Variants in GBX1 observed in about 807,000 individuals in gnomAD.
GBX1 encodes gastrulation brain homeobox 1.
A neutral mutation model predicts 22.9 loss-of-function variants in GBX1; 9 were observed. The ratio of observed to expected loss-of-function variants is 0.39; its 90% confidence interval spans 0.24 to 0.69. GBX1 has a LOEUF of 0.69. GBX1 is among the 30% of genes least tolerant of loss of function. GBX1 has a pLI of 0.43. For synonymous variants in GBX1, 203 were observed against 227.3 expected (o/e 0.89, Z 0.96); for missense variants, 494 against 509.2 (o/e 0.97, Z 0.29).
chr7:151,166,940 C>T lies in GBX1; in HGVS notation c.538+71G>A, dbSNP rs529738402. 50 of 1,513,254 alleles carry T rather than the reference C, an allele frequency of 3.3e-5. No individual in the cohort carries two copies. In the South Asian group the frequency reaches 4.5e-4, roughly 14 times the overall value. The allele number at this position is 1,513,254 out of a possible 1,614,324, so 93.7% of individuals were successfully genotyped here. ...GGCAGGTGCCGAGGTGCCGAGGTTC[C>T]GAGCAGGTTCCTGTCTGGAATTTCC... On this transcript the variant is annotated intron_variant, in intron 1 of 1. Coordinates refer to ENST00000297537, the MANE Select transcript of GBX1 (RefSeq NM_001098834.3).
intron 1 of GBX1, among the ~76,000 whole-genome samples, chr7:151,150,346 G>GA (rs1443446204): frequency 6.6e-6 from 1 of 152,222 alleles, no homozygotes; most frequent in African/African-American, 2.4e-5. Context: ...GAGAACAAGA[G>GA]AAAATGGATA....
chr7:151,149,930 C>T, intron 1 of GBX1: 1 of 456,054 alleles, frequency 2.2e-6, no homozygotes, highest in Non-Finnish European at 4.4e-6. Context: ...CTTCCCCTTT[C>T]CCCAGCCAAG....
In GBX1 at chr7:151,148,839, T is replaced by C. The variant is rs760062093; in HGVS notation, c.842A>G (p.His281Arg). ...TGTCAAGCTCAGGTATTTCTTGCAA[T>C]GAAATTCCTTCTCCAATTCCAAAAG... Reference protein sequence around the residue: ...EQLLELEKEFHCKKYLSLTER... With the variant: ...EQLLELEKEFRCKKYLSLTER... Residue 281 changes from histidine to arginine, a missense_variant, in exon 2 of 2, where the codon CAT becomes CGT. Physicochemically the swap from His to Arg is conservative, Grantham distance 29. Transcript: ENST00000297537. The surrounding 1 kb of genome is among the most constrained non-coding windows in gnomAD (Gnocchi z 5.1). The C allele has an allele frequency of 1.2e-5, 19 of 1,614,068 alleles. No individual in the cohort carries two copies. Among genetic ancestry groups the C allele is most frequent in the Admixed American group, 3.3e-5 (2 of 60,012 alleles).
chr7:151,167,269 C>A lies in GBX1; in HGVS notation c.280G>T (p.Ala94Ser). The A allele has an allele frequency of 6.5e-7, 1 of 1,545,898 alleles. No individual in the cohort carries two copies. The highest frequency in any genetic ancestry group is 8.7e-7 in the Non-Finnish European group (1 of 1,148,576). Reference sequence around the variant, plus strand: ...GTCAGCGCCACCATCGAGGGCACAGCCTGACCCAGCCCCGCGCAGAAGGTG... The same window carrying A: ...GTCAGCGCCACCATCGAGGGCACAGACTGACCCAGCCCCGCGCAGAAGGTG... ...TNTFCAGLGQ[A>S]VPSMVALTTA... Residue 94 changes from alanine (A) to serine (S), a missense_variant, in exon 1 of 2, where the codon GCT becomes TCT. Around this residue, in one of 3 missense-constraint regions of GBX1, gnomAD observed 365 missense variants for 340.4 expected, o/e 1.07. Transcript: ENST00000297537. This position sits in a 1 kb window ranked among gnomAD's most constrained non-coding sequence, Gnocchi z 5.9.
At chr7:151,154,293 T>G (rs922060428) in intron 1 of GBX1, among the ~76,000 whole-genome samples, 26 of 152,226 alleles carry the variant, frequency 1.7e-4, no homozygotes, top group Admixed American at 1.2e-3. Flanking sequence ...TTAAAAATGT[T>G]ACATGGAAAA....
rs566832387 is a variant in GBX1 at position 151,156,364 on chromosome 7, C to T, written c.539-7222G>A. On this transcript the variant is annotated intron_variant, in intron 1 of 1. Coordinates refer to ENST00000297537, the MANE Select transcript of GBX1 (RefSeq NM_001098834.3). ...TCACACCACTGCACTCCAGTTTGGG[C>T]GACAGAGTGAGACCCTGTCTCAAAA... 2.4e-4 allele frequency among the ~76,000 whole-genome samples: 26 copies of T among 109,424 alleles called. 1 individual carries two copies. The South Asian group carries it at 4.6e-3, about 19-fold the overall frequency. 71.8% of individuals were successfully genotyped at this position (109,424 alleles called of 152,430 possible). A position where few individuals can be genotyped will look rare whatever the true frequency, so the allele number is the denominator to read the frequency against.
At position 151,149,049 on chromosome 7, in the gene GBX1, C is replaced by A; in HGVS notation, c.632G>T (p.Gly211Val). ...CAGGAAACCGTCATCCTCGCTGTCA[C>A]CGCCTGAGCCCTCTTCCTCCTGTTC... ...GSEQEEEGSG[G>V]DSEDDGFLDS... The change falls in exon 2 of 2, where the codon GGT (glycine) becomes GTT (valine). Residue 211 changes from glycine (G) to valine (V), a missense_variant. Physicochemically the swap from Gly to Val is moderately radical, Grantham distance 109. Around this residue, in one of 3 missense-constraint regions of GBX1, gnomAD observed 365 missense variants for 340.4 expected, o/e 1.07. Coordinates refer to ENST00000297537, the MANE Select transcript of GBX1 (RefSeq NM_001098834.3). 6.2e-7 allele frequency: 1 copy of A among 1,613,932 alleles called. No individual in the cohort carries two copies. The highest frequency in any genetic ancestry group is 8.5e-7 in the Non-Finnish European group (1 of 1,180,028).
chr7:151,148,437 TG>T lies in GBX1; in HGVS notation c.*151del. The T allele has an allele frequency of 1.4e-6, 1 of 714,836 alleles. No individual in the cohort carries two copies. Among genetic ancestry groups the T allele is most frequent in the Non-Finnish European group, 2.3e-6 (1 of 434,194 alleles). The allele number at this position is 714,836 out of a possible 1,614,324, so 44.3% of individuals were successfully genotyped here. ...CACATCTCAGGTTCTGGGAGGAGTC[TG>T]GGAAGAGCACACCCAGGGCTAGGTT... On this transcript the variant is annotated 3_prime_UTR_variant, in exon 2 of 2. Transcript: ENST00000297537. The surrounding 1 kb of genome is among the most constrained non-coding windows in gnomAD (Gnocchi z 5.1).
Position 151,167,204 on chromosome 7 carries a change from G to C in GBX1, c.345C>G (p.Phe115Leu). 3.2e-6 allele frequency: 5 copies of C among 1,566,382 alleles called. No individual in the cohort carries two copies. The highest frequency in any genetic ancestry group is 4.3e-6 in the Non-Finnish European group (5 of 1,158,216). The change falls in exon 1 of 2, where the codon TTC becomes TTG. Residue 115 changes from phenylalanine (F) to leucine (L), a missense_variant. Phe to Leu is a conservative substitution (Grantham distance 22, BLOSUM62 0). Transcript: ENST00000297537. The surrounding 1 kb of genome is among the most constrained non-coding windows in gnomAD (Gnocchi z 5.9). ...CGGCGGCGAGCTCCTGGGGCCCGTA[G>C]AAAGCGTCGGGCGGCTCCGCGAAGC... is the stretch of plus-strand genomic sequence containing the variant. ...LPSFAEPPDA[F>L]YGPQELAAAA...
Position 151,167,387 on chromosome 7 carries a change from C to T in GBX1, c.162G>A (p.Pro54=), listed in dbSNP as rs1324413975. The T allele has an allele frequency of 1.3e-6, 2 of 1,511,350 alleles. No homozygotes were observed. Among genetic ancestry groups the T allele is most frequent in the Non-Finnish European group, 8.8e-7 (1 of 1,132,046 alleles). The allele number at this position is 1,511,350 out of a possible 1,614,324, so 93.6% of individuals were successfully genotyped here. The change falls in exon 1 of 2, where the codon CCG becomes CCA. Residue 54 remains proline, a synonymous_variant. Transcript: ENST00000297537. This position sits in a 1 kb window ranked among gnomAD's most constrained non-coding sequence, Gnocchi z 5.9. The part of the protein sequence containing the change: ...TGYPMFMPYR[P]LVLPQALAPA... ...GGGCCAGCGCCTGCGGCAGCACGAG[C>T]GGCCGGTAGGGCATGAACATGGGGT...
At position 151,167,056 on chromosome 7, in the gene GBX1, G is replaced by T; in HGVS notation, c.493C>A (p.Pro165Thr). ...TCTGAGAAGTGCGGAGGCGGAGGTG[G>T]TGGGGGCTCTGCCACTTTCTCCCGG... The part of the protein sequence containing the change: ...PAREKVAEPP[P>T]PPPPHFSETF... Residue 165 changes from proline to threonine, a missense_variant, in exon 1 of 2, where the codon CCA becomes ACA. Physicochemically the swap from Pro to Thr is conservative, Grantham distance 38. Transcript: ENST00000297537. This position sits in a 1 kb window ranked among gnomAD's most constrained non-coding sequence, Gnocchi z 5.9. 2 of 1,603,182 alleles carry T rather than the reference G, an allele frequency of 1.2e-6. No individual in the cohort carries two copies. The highest frequency in any genetic ancestry group is 1.7e-6 in the Non-Finnish European group (2 of 1,176,394).
At chr7:151,154,511 C>A (rs556168285) in intron 1 of GBX1, among the ~76,000 whole-genome samples, 36 of 152,328 alleles carry the variant, frequency 2.4e-4, no homozygotes, top group African/African-American at 8.7e-4. Context: ...GAGTTTCCAG[C>A]TTGTTCCCTA....
chr7:151,148,460 G>A lies in GBX1; in HGVS notation c.*129C>T, dbSNP rs1429200853. 7.1e-6 allele frequency: 6 copies of A among 848,868 alleles called. No homozygotes were observed. The highest frequency in any genetic ancestry group is 1.1e-5 in the Non-Finnish European group (6 of 550,318). The allele number at this position is 848,868 out of a possible 1,614,324, so 52.6% of individuals were successfully genotyped here. A position where few individuals can be genotyped will look rare whatever the true frequency, so the allele number is the denominator to read the frequency against. On this transcript the variant is annotated 3_prime_UTR_variant, in exon 2 of 2. Transcript: ENST00000297537. This position sits in a 1 kb window ranked among gnomAD's most constrained non-coding sequence, Gnocchi z 5.1. ...TCTGGGAAGAGCACACCCAGGGCTA[G>A]GTTAATTGCCAACTAGCCCCTCTCA... is the stretch of plus-strand genomic sequence containing the variant.
rs371770525 is a variant in GBX1 at position 151,167,008 on chromosome 7, T to C, written c.538+3A>G. ...GCCAGCCCTGGTCGGCCCTAGCACT[T>C]ACCGGGCAGACTTGGAAAAGTCTCT... On this transcript the variant is annotated splice_donor_region_variant and intron_variant, in intron 1 of 1. Transcript: ENST00000297537. This position sits in a 1 kb window ranked among gnomAD's most constrained non-coding sequence, Gnocchi z 5.9. 5 of 1,604,574 alleles carry C rather than the reference T, an allele frequency of 3.1e-6. No homozygotes were observed. Among genetic ancestry groups the C allele is most frequent in the Non-Finnish European group, 4.2e-6 (5 of 1,176,916 alleles).
chr7:151,156,536 C>T (rs1004816307), intron 1 of GBX1, among the ~76,000 whole-genome samples: 3 of 151,234 alleles, frequency 2.0e-5, no homozygotes, highest in Non-Finnish European at 4.4e-5. Context: ...AAATTGTCAT[C>T]AGAGACGTTT....
chr7:151,165,597 T>C (rs1451509459), intron 1 of GBX1, among the ~76,000 whole-genome samples: 2 of 152,330 alleles, frequency 1.3e-5, no homozygotes, highest in African/African-American at 4.8e-5. Flanking sequence ...GGACATTTTC[T>C]CCCACCTTCC....
chr7:151,163,570 T>A (rs542506910), intron 1 of GBX1, among the ~76,000 whole-genome samples: 1 of 152,238 alleles, frequency 6.6e-6, no homozygotes, highest in Non-Finnish European at 1.5e-5. Flanking sequence ...GAAAAGAAGA[T>A]ATAAAATTAT....
chr7:151,148,539 A>G lies in GBX1; in HGVS notation c.*50T>C. 6.5e-7 allele frequency: 1 copy of G among 1,535,754 alleles called. No individual in the cohort carries two copies. Among genetic ancestry groups the G allele is most frequent in the East Asian group, 2.3e-5 (1 of 44,312 alleles). Reference sequence around the variant, plus strand: ...GTCCACAGAACCCTGACAGTCTCAGAGCAGGCTCAGGTACAGATCCCTCGC... The same window carrying G: ...GTCCACAGAACCCTGACAGTCTCAGGGCAGGCTCAGGTACAGATCCCTCGC... On this transcript the variant is annotated 3_prime_UTR_variant, in exon 2 of 2. Coordinates refer to ENST00000297537, the MANE Select transcript of GBX1 (RefSeq NM_001098834.3). The surrounding 1 kb of genome is among the most constrained non-coding windows in gnomAD (Gnocchi z 5.1).
At chr7:151,163,618 T>C (rs1046167650) in intron 1 of GBX1, among the ~76,000 whole-genome samples, 10 of 152,216 alleles carry the variant, frequency 6.6e-5, no homozygotes, top group African/African-American at 2.4e-4. Flanking sequence ...GTTGAAATAA[T>C]ATTTTGGACA....
Sources: gnomAD v4.1 joint callset for allele counts (sites outside exome capture counted in the v4.1 genomes callset) on GRCh38, gnomAD v4.1.1 for gene constraint, gnomAD v4.1.1 regional missense constraint, Gnocchi (gnomAD v3.1) non-coding constraint, MANE v1.5 for transcripts, NCBI Gene and HGNC (gene_info 2026-07-23, HGNC 2026-07-21) for gene names.